CDH13: variants seen among roughly 807,000 people sequenced by gnomAD.
CDH13 encodes cadherin-13.
Under a neutral mutation model 63.8 loss-of-function variants are expected in CDH13, and 24 were observed. The ratio of observed to expected loss-of-function variants is 0.38; its 90% CI spans 0.27 to 0.53. The LOEUF (loss-of-function observed/expected upper bound fraction) is 0.53. Among genes scored for constraint, CDH13 ranks in the 20% least tolerant of loss-of-function variants. The pLI, the probability that CDH13 is intolerant of heterozygous loss-of-function variation, is 0.85. For synonymous variants in CDH13, 503 were observed against 355.3 expected (o/e 1.42, Z -4.67); for missense variants, 1,049 against 903.1 (o/e 1.16, Z -2.07).
intron 1 of CDH13, among the ~76,000 whole-genome samples, chr16:82,834,523 C>G (rs938175850): frequency 2.6e-5 from 4 of 151,952 alleles, no homozygotes; most frequent in Non-Finnish European, 4.4e-5. Context: ...GAAGCGTAGT[C>G]ATTCAGAACA....
chr16:83,053,691 G>A (rs2030623886), intron 3 of CDH13, among the ~76,000 whole-genome samples: 3 of 152,210 alleles, frequency 2.0e-5, no homozygotes, highest in Admixed American at 6.5e-5. Flanking sequence ...TATTATCAGA[G>A]GAAATAGACT....
intron 3 of CDH13, among the ~76,000 whole-genome samples, chr16:83,118,060 C>T (rs1052409141): frequency 2.0e-5 from 3 of 152,226 alleles, no homozygotes; most frequent in African/African-American, 7.2e-5. Flanking sequence ...GAAGACACAA[C>T]ACTGCCCCTG....
In CDH13 at chr16:83,227,492, G is replaced by T. The variant is rs561932897; in HGVS notation, c.636+9995G>T. On this transcript the variant is annotated intron_variant, in intron 5 of 13. Coordinates refer to ENST00000567109, the MANE Select transcript of CDH13 (RefSeq NM_001257.5). ...GGAAGCTGGTGGTGCCTATGATCAG[G>T]GAATAAAGGCAAATGTGTCCCATGT... Among the ~76,000 whole-genome samples the T allele has an allele frequency of 5.3e-5, 8 of 152,282 alleles. No homozygotes were observed. In the South Asian group the frequency reaches 1.7e-3, roughly 32 times the overall value.
intron 7 of CDH13, among the ~76,000 whole-genome samples, chr16:83,564,621 C>A (rs2075762144): frequency 6.6e-6 from 1 of 152,112 alleles, no homozygotes. Context: ...GTTGGCCAGG[C>A]TGGTCTCAAA....
chr16:82,759,487 T>C (rs1048424861), intron 1 of CDH13, among the ~76,000 whole-genome samples: 1 of 151,708 alleles, frequency 6.6e-6, no homozygotes, highest in African/African-American at 2.4e-5. Flanking sequence ...AACTCATAGG[T>C]AATTGGTTAA....
At chr16:83,681,629 T>C (rs1201196550) in intron 10 of CDH13, among the ~76,000 whole-genome samples, 1 of 151,948 alleles carries the variant, frequency 6.6e-6, no homozygotes, top group Admixed American at 6.6e-5. Flanking sequence ...CCCTCTCCTC[T>C]CCTGGAGTAA....
At chr16:83,748,384 G>C (rs1912787114) in intron 11 of CDH13, 134 bp downstream of exon 11, 1 of 749,602 alleles carries the variant, frequency 1.3e-6, no homozygotes, top group Admixed American at 2.5e-5. Flanking sequence ...CAAAGTAAAT[G>C]TTTAAATATA....
At chr16:83,757,015 G>A (rs1047270174) in intron 11 of CDH13, among the ~76,000 whole-genome samples, 1 of 152,166 alleles carries the variant, frequency 6.6e-6, no homozygotes, top group Non-Finnish European at 1.5e-5. Context: ...TAAATTGTTT[G>A]CATGCAGAGC....
intron 11 of CDH13, among the ~76,000 whole-genome samples, chr16:83,755,902 G>T (rs1789164790): frequency 6.6e-6 from 1 of 152,138 alleles, no homozygotes; most frequent in Admixed American, 6.5e-5. Context: ...AAGTAAAAAA[G>T]TAAATGAAGT....
chr16:83,048,044 A>G (rs1238768851), intron 3 of CDH13, among the ~76,000 whole-genome samples: 4 of 152,338 alleles, frequency 2.6e-5, no homozygotes, highest in East Asian at 1.9e-4. Flanking sequence ...ATATTATTAC[A>G]GTAAAGTAGA....
At chr16:82,865,894 A>C (rs200824409) in intron 2 of CDH13, among the ~76,000 whole-genome samples, 2 of 152,178 alleles carry the variant, frequency 1.3e-5, no homozygotes, top group African/African-American at 2.4e-5. Context: ...TCCAGTTTCA[A>C]ATCTTCTCTT....
At chr16:82,896,266 T>C (rs950040162) in intron 2 of CDH13, among the ~76,000 whole-genome samples, 1 of 143,224 alleles carries the variant, frequency 7.0e-6, no homozygotes, top group East Asian at 2.1e-4. Context: ...TTCTGAGAAC[T>C]AGGATTAGGA....
At chr16:83,778,377 A>G (rs1391015442) in intron 11 of CDH13, among the ~76,000 whole-genome samples, 1 of 152,172 alleles carries the variant, frequency 6.6e-6, no homozygotes, top group Non-Finnish European at 1.5e-5. Context: ...TAAAAATACA[A>G]AAATTAGCTG....
intron 2 of CDH13, among the ~76,000 whole-genome samples, chr16:82,933,846 G>T (rs903064114): frequency 3.9e-5 from 6 of 152,228 alleles, no homozygotes; most frequent in Admixed American, 2.0e-4. Context: ...CTTTGACTCT[G>T]TGTCTCACAT....
chr16:83,444,742 C>G (rs186084957), intron 6 of CDH13, among the ~76,000 whole-genome samples: 2 of 28,798 alleles, frequency 6.9e-5, no homozygotes, highest in African/African-American at 2.3e-4. Context: ...CTGAAACCAG[C>G]TTAAATCTCT....
intron 13 of CDH13, among the ~76,000 whole-genome samples, chr16:83,792,172 C>T (rs1456797725): frequency 6.6e-6 from 1 of 152,204 alleles, no homozygotes; most frequent in Non-Finnish European, 1.5e-5. Context: ...GGGCTGTCTT[C>T]GGCCTGCAGA....
intron 3 of CDH13, among the ~76,000 whole-genome samples, chr16:83,088,744 A>G (rs1291923909): frequency 6.6e-6 from 1 of 152,230 alleles, no homozygotes; most frequent in East Asian, 1.9e-4. Flanking sequence ...CATTTTGTAG[A>G]GTAGAAAATG....
At chr16:83,069,725 G>A (rs999870403) in intron 3 of CDH13, among the ~76,000 whole-genome samples, 1 of 152,114 alleles carries the variant, frequency 6.6e-6, no homozygotes, top group Non-Finnish European at 1.5e-5. Context: ...CTCCCCAAAG[G>A]CTCACTCTGA....
At chr16:82,663,290 G>A (rs1188166762) in intron 1 of CDH13, among the ~76,000 whole-genome samples, 4 of 152,150 alleles carry the variant, frequency 2.6e-5, no homozygotes, top group African/African-American at 7.2e-5. Context: ...AGGTTCAAGC[G>A]ATTCTCTTGC....
Sources: gnomAD v4.1 joint callset for allele counts (sites outside exome capture counted in the v4.1 genomes callset) on GRCh38, gnomAD v4.1.1 for gene constraint, MANE v1.5 for transcripts, NCBI Gene and HGNC (gene_info 2026-07-23, HGNC 2026-07-21) for gene names.